ACACA: variants seen among roughly 807,000 people sequenced by gnomAD.
ACACA encodes the protein acetyl-CoA carboxylase 1.
In ACACA, 103 loss-of-function variants were observed where a neutral mutation model predicts 296.1. The ratio of observed to expected loss-of-function variants is 0.35; its 90% CI spans 0.30 to 0.41. The LOEUF (loss-of-function observed/expected upper bound fraction) is 0.41, where lower values mean the gene tolerates loss of function less well. Among genes scored for constraint, ACACA ranks in the 10% least tolerant of loss-of-function variants. ACACA has a pLI of 1.00. For synonymous variants in ACACA, 953 were observed against 1,038.6 expected, an observed-to-expected ratio of 0.92 and a Z score of 1.58; for missense variants, 1,554 against 2,989.7, an observed-to-expected ratio of 0.52 and a Z score of 11.20.
intron 3 of ACACA, among the ~76,000 whole-genome samples, chr17:37,324,351 A>T (rs911651347): frequency 6.6e-6 from 1 of 150,692 alleles, no homozygotes; most frequent in African/African-American, 2.5e-5. Flanking sequence ...GGGCAACAAG[A>T]GCGAAACTCT....
chr17:37,233,331 A>G (rs894687624), intron 25 of ACACA, among the ~76,000 whole-genome samples: 2 of 152,228 alleles, frequency 1.3e-5, no homozygotes, highest in African/African-American at 4.8e-5. Context: ...CCGTGTTCCA[A>G]TAATGAGATT....
rs548608233 is a variant in ACACA, at chr17:37,238,724, CTATTA to C, written c.3121+1747_3121+1751del. Among the ~76,000 whole-genome samples the C allele has an allele frequency of 6.0e-4, 91 of 152,280 alleles. 1 individual carries two copies. In the East Asian group the frequency reaches 0.017, roughly 29 times the overall value. ...TGATAATTTATTTAAATCTTCTTTA[CTATTA>C]TAATATTCTTGATTATAATTTTCCT... On this transcript the variant is annotated intron_variant, in intron 24 of 55. Transcript: ENST00000616317.
At position 37,378,070 on chromosome 17, in the gene ACACA, CTATTT is replaced by C. The variant is rs2050085675; in HGVS notation, c.38+28187_38+28191del. The stretch of plus-strand genomic sequence containing the variant: ...CTTCCTAGCCCATATCTCAAATATC[CTATTT>C]TAAGGATATGTATCCTCCCAGGGGG... On this transcript the variant is annotated intron_variant, in intron 1 of 55. Coordinates refer to ENST00000616317, the MANE Select transcript of ACACA (RefSeq NM_198834.3). 1.6e-5 allele frequency: 17 copies of C among 1,075,072 alleles called. No homozygotes were observed. In the East Asian group the frequency reaches 4.4e-4, roughly 28 times the overall value. 66.6% of individuals were successfully genotyped at this position (1,075,072 alleles called of 1,614,324 possible).
chr17:37,127,338 G>A (rs2074838469), intron 47 of ACACA, among the ~76,000 whole-genome samples: 1 of 152,144 alleles, frequency 6.6e-6, no homozygotes, highest in South Asian at 2.1e-4. Context: ...CTTCAAGATG[G>A]AAATGTTTTC....
intron 33 of ACACA, among the ~76,000 whole-genome samples, chr17:37,202,225 G>A (rs1164252445): frequency 5.3e-5 from 8 of 152,002 alleles, no homozygotes; most frequent in Admixed American, 5.2e-4. Context: ...TTCTGGCAAG[G>A]GAAGAAAATA....
chr17:37,263,963 C>A, intron 10 of ACACA, 69 bp from the exon 11 acceptor site: 1 of 1,310,668 alleles, frequency 7.6e-7, no homozygotes, highest in Middle Eastern at 1.8e-4. Flanking sequence ...TCTTGATAAG[C>A]TACTTTGATT....
intron 14 of ACACA, among the ~76,000 whole-genome samples, chr17:37,253,580 A>G (rs182433100): frequency 6.6e-6 from 1 of 152,302 alleles, no homozygotes; most frequent in Non-Finnish European, 1.5e-5. Flanking sequence ...TGATATTACC[A>G]TAAGAGCATC....
At chr17:37,160,490 G>A (rs183931933) in intron 42 of ACACA, among the ~76,000 whole-genome samples, 26 of 152,270 alleles carry the variant, frequency 1.7e-4, no homozygotes, top group Admixed American at 1.4e-3. Context: ...AGAGGGAAGT[G>A]CGTGTTACAG....
intron 25 of ACACA, among the ~76,000 whole-genome samples, chr17:37,232,875 C>A (rs1452960956): frequency 6.6e-6 from 1 of 151,950 alleles, no homozygotes; most frequent in Non-Finnish European, 1.5e-5. Flanking sequence ...TCCTCCTCCT[C>A]CTCCTCCTCC....
intron 39 of ACACA, among the ~76,000 whole-genome samples, chr17:37,186,894 AG>A (rs2077556326): frequency 1.3e-5 from 2 of 151,536 alleles, no homozygotes; most frequent in Admixed American, 6.6e-5. Flanking sequence ...AATAAAGGAA[AG>A]GAAAAAAAAA....
At chr17:37,334,836 T>C (rs2048041390) in intron 2 of ACACA, among the ~76,000 whole-genome samples, 1 of 152,076 alleles carries the variant, frequency 6.6e-6, no homozygotes, top group South Asian at 2.1e-4. Context: ...GATGCCCCAT[T>C]GTATAGGAGT....
chr17:37,283,689 G>T (rs2082645878), intron 4 of ACACA, among the ~76,000 whole-genome samples: 1 of 152,140 alleles, frequency 6.6e-6, no homozygotes, highest in Non-Finnish European at 1.5e-5. Flanking sequence ...TTAAATCTGT[G>T]ACTTTGTGAA....
chr17:37,093,755 C>T (rs1011001615), intron 54 of ACACA, among the ~76,000 whole-genome samples: 2 of 152,196 alleles, frequency 1.3e-5, no homozygotes, highest in African/African-American at 2.4e-5. Flanking sequence ...ACTTCAGCTT[C>T]CCAAAGCACT....
intron 39 of ACACA, among the ~76,000 whole-genome samples, chr17:37,187,165 T>A (rs1191600538): frequency 6.6e-6 from 1 of 152,180 alleles, no homozygotes; most frequent in African/African-American, 2.4e-5. Context: ...CTCTCTGTTT[T>A]TAACTGCTCA....
At chr17:37,146,269 C>T (rs2143985555) in intron 45 of ACACA, among the ~76,000 whole-genome samples, 1 of 152,226 alleles carries the variant, frequency 6.6e-6, no homozygotes, top group South Asian at 2.1e-4. Context: ...CCATAAAAGC[C>T]AGGCGCACAC....
At chr17:37,189,247 C>T (rs1255208294) in intron 38 of ACACA, among the ~76,000 whole-genome samples, 12 of 152,216 alleles carry the variant, frequency 7.9e-5, no homozygotes, top group African/African-American at 2.7e-4. Flanking sequence ...AACATGGCTG[C>T]ACAGAACATA....
intron 42 of ACACA, 35 bp downstream of exon 42, chr17:37,161,746 A>G: frequency 6.2e-7 from 1 of 1,603,382 alleles, no homozygotes; most frequent in African/African-American, 1.3e-5. Flanking sequence ...ATAACCATAT[A>G]GCACCTTGAA....
chr17:37,232,472 A>G (rs1444900275), intron 25 of ACACA, among the ~76,000 whole-genome samples: 1 of 152,158 alleles, frequency 6.6e-6, no homozygotes, highest in Non-Finnish European at 1.5e-5. Flanking sequence ...AGCTACTACC[A>G]TTAATGCAGA....
intron 40 of ACACA, among the ~76,000 whole-genome samples, chr17:37,179,746 A>G (rs1050779374): frequency 2.2e-4 from 33 of 152,362 alleles, no homozygotes; most frequent in Non-Finnish European, 3.7e-4. Flanking sequence ...AAAGAAAAGG[A>G]AAATCCTAAA....
Sources: allele counts gnomAD v4.1 joint callset (sites outside exome capture counted in the v4.1 genomes callset), GRCh38; gene constraint gnomAD v4.1.1; transcripts MANE v1.5; gene names NCBI Gene and HGNC (gene_info 2026-07-23, HGNC 2026-07-21).